BARX1: variants seen among roughly 807,000 people sequenced by gnomAD.
The protein encoded by BARX1 is BARX homeobox 1, also known as homeobox protein BarH-like 1.
BARX1 carries 10 observed loss-of-function variants against 19.6 expected under a neutral mutation model. That is an observed-to-expected ratio of 0.51 (90% confidence interval 0.31 to 0.86). BARX1 has a LOEUF of 0.86. Ranked by LOEUF, BARX1 falls within the 40% of genes least tolerant of loss-of-function variation. BARX1 has a pLI of 0.04. For missense variants in BARX1, 309 were observed against 360.4 expected, an observed-to-expected ratio of 0.86 and a Z score of 1.15; for synonymous variants, 177 against 170.0, an observed-to-expected ratio of 1.04 and a Z score of -0.32.
At position 93,955,311 on chromosome 9, in the gene BARX1, C is replaced by T. The variant is rs1177473077; in HGVS notation, c.-165G>A. 6.3e-6 allele frequency: 1 copy of T among 158,570 alleles called. No individual in the cohort carries two copies. The highest frequency in any genetic ancestry group is 3.1e-3 in the Middle Eastern group (1 of 318). 9.8% of individuals were successfully genotyped at this position (158,570 alleles called of 1,614,324 possible). Reference sequence around the variant, plus strand: ...CGGCCGGCCGGGCGGAGGCGCAGGGCGCGGGCGGGGCGCGCGGGGCTCGGC... The same window carrying T: ...CGGCCGGCCGGGCGGAGGCGCAGGGTGCGGGCGGGGCGCGCGGGGCTCGGC... On this transcript the variant is annotated 5_prime_UTR_variant, in exon 1 of 4. Coordinates refer to ENST00000253968, the MANE Select transcript of BARX1 (RefSeq NM_021570.4). The surrounding 1 kb of genome is among the most constrained non-coding windows in gnomAD (Gnocchi z 4.4).
Position 93,953,177 on chromosome 9 carries a change from C to T in BARX1, c.234G>A (p.Lys78=). The T allele has an allele frequency of 9.2e-6, 14 of 1,514,154 alleles. No homozygotes were observed. Among genetic ancestry groups the T allele is most frequent in the Non-Finnish European group, 1.2e-5 (14 of 1,141,436 alleles). The allele number at this position is 1,514,154 out of a possible 1,614,324, so 93.8% of individuals were successfully genotyped here. ...ACTTGAACACCGCCGCCTGCTCGGCCTTCAGCACGGCTGCGAAGAAAGAGA... is the reference window on the plus strand; with the variant it reads ...ACTTGAACACCGCCGCCTGCTCGGCTTTCAGCACGGCTGCGAAGAAAGAGA... The part of the protein sequence containing the change: ...RPFHSHLAVL[K]AEQAAVFKFP... Residue 78 remains lysine, a synonymous_variant, in exon 2 of 4, where the codon AAG becomes AAA. Coordinates refer to ENST00000253968, the MANE Select transcript of BARX1 (RefSeq NM_021570.4).
Position 93,955,328 on chromosome 9 carries a change from G to A in BARX1, c.-182C>T, listed in dbSNP as rs1829151806. On this transcript the variant is annotated 5_prime_UTR_variant, in exon 1 of 4. Transcript: ENST00000253968. The surrounding 1 kb of genome is among the most constrained non-coding windows in gnomAD (Gnocchi z 4.4). The stretch of plus-strand genomic sequence containing the variant: ...GCGCAGGGCGCGGGCGGGGCGCGCG[G>A]GGCTCGGCCGGTCGAACCCGGGACT... 1 of 148,664 alleles carries A rather than the reference G, an allele frequency of 6.7e-6. No homozygotes were observed. Among genetic ancestry groups the A allele is most frequent in the Non-Finnish European group, 1.5e-5 (1 of 68,422 alleles). 9.2% of individuals were successfully genotyped at this position (148,664 alleles called of 1,614,324 possible). A position where few individuals can be genotyped will look rare whatever the true frequency, so the allele number is the denominator to read the frequency against.
intron 1 of BARX1, 105 bp from the exon 2 acceptor site, chr9:93,953,292 C>T (rs934036667): frequency 1.5e-6 from 2 of 1,306,604 alleles, no homozygotes; most frequent in Non-Finnish European, 2.0e-6. Flanking sequence ...TGGCCAGTGC[C>T]TCCCAGCGCA....
In BARX1 at chr9:93,951,650, G is replaced by A. The variant is rs1217298351; in HGVS notation, c.*514C>T. On this transcript the variant is annotated 3_prime_UTR_variant, in exon 4 of 4. Coordinates refer to ENST00000253968, the MANE Select transcript of BARX1 (RefSeq NM_021570.4). Reference sequence around the variant, plus strand: ...GATTGTGTCATAAAATATTTTATTGGAAAAAAAGTCACCGTCTTCGCAAGA... The same window carrying A: ...GATTGTGTCATAAAATATTTTATTGAAAAAAAAGTCACCGTCTTCGCAAGA... 1 of 152,370 alleles carries A rather than the reference G, an allele frequency of 6.6e-6. No homozygotes were observed. The highest frequency in any genetic ancestry group is 2.1e-4 in the South Asian group (1 of 4,836). 9.4% of individuals were successfully genotyped at this position (152,370 alleles called of 1,614,324 possible).
At chr9:93,954,518 T>C (rs1177249813) in intron 1 of BARX1, among the ~76,000 whole-genome samples, 1 of 152,168 alleles carries the variant, frequency 6.6e-6, no homozygotes, top group African/African-American at 2.4e-5. Context: ...CCGACTTCCC[T>C]GGGTTGGGCA....
chr9:93,955,123 G>T lies in BARX1; in HGVS notation c.24C>A (p.Gly8=). 2 of 1,217,118 alleles carry T rather than the reference G, an allele frequency of 1.6e-6. No individual in the cohort carries two copies. The highest frequency in any genetic ancestry group is 2.0e-6 in the Non-Finnish European group (2 of 981,004). The allele number at this position is 1,217,118 out of a possible 1,614,324, so 75.4% of individuals were successfully genotyped here. MQRPGEP[G]AARFGPPEGC... ...CCTCGGGCGGGCCGAAGCGCGCGGC[G>T]CCCGGCTCCCCCGGCCGCTGCATCG... The change falls in exon 1 of 4, where the codon GGC becomes GGA. Residue 8 remains glycine (G), a synonymous_variant. Transcript: ENST00000253968. The surrounding 1 kb of genome is among the most constrained non-coding windows in gnomAD (Gnocchi z 4.4).
Position 93,952,786 on chromosome 9 carries a change from C to T in BARX1, c.543G>A (p.Leu181=). ...DRIDLAESLG[L]SQLQVKTWYQ... Reference sequence around the variant, plus strand: ...ACCACGTCTTCACCTGCAACTGGCTCAGGCCCAGGGACTCAGCAAGATCTA... The same window carrying T: ...ACCACGTCTTCACCTGCAACTGGCTTAGGCCCAGGGACTCAGCAAGATCTA... Residue 181 remains leucine, a synonymous_variant, in exon 3 of 4, where the codon CTG becomes CTA. Coordinates refer to ENST00000253968, the MANE Select transcript of BARX1 (RefSeq NM_021570.4). The T allele has an allele frequency of 6.2e-7, 1 of 1,614,198 alleles. No individual in the cohort carries two copies. Among genetic ancestry groups the T allele is most frequent in the Non-Finnish European group, 8.5e-7 (1 of 1,180,030 alleles).
chr9:93,951,970 C>T lies in BARX1; in HGVS notation c.*194G>A, dbSNP rs1260347731. The T allele has an allele frequency of 2.3e-5, 17 of 730,468 alleles. No homozygotes were observed. Among genetic ancestry groups the T allele is most frequent in the Middle Eastern group, 4.0e-4 (1 of 2,528 alleles). 45.2% of individuals were successfully genotyped at this position (730,468 alleles called of 1,614,324 possible). A position where few individuals can be genotyped will look rare whatever the true frequency, so the allele number is the denominator to read the frequency against. ...AGTCTCCCAGGTTAGAGCCCAGAAG[C>T]GCGCTGGGACCTGGGTCTGGCTTTT... On this transcript the variant is annotated 3_prime_UTR_variant, in exon 4 of 4. Coordinates refer to ENST00000253968, the MANE Select transcript of BARX1 (RefSeq NM_021570.4).
rs776661728 is a variant in BARX1, at chr9:93,952,892, C to G, written c.515+4G>C. 1 of 1,606,098 alleles carries G rather than the reference C, an allele frequency of 6.2e-7. No homozygotes were observed. The highest frequency in any genetic ancestry group is 1.7e-5 in the Admixed American group (1 of 58,288). The stretch of plus-strand genomic sequence containing the variant: ...CCGCTGGCCCCAGCCTTGTACCGCC[C>G]TACCTGTCCGGCGTGGAAAGGTACT... On this transcript the variant is annotated splice_donor_region_variant and intron_variant, in intron 2 of 3. Transcript: ENST00000253968.
chr9:93,953,338 C>A, intron 1 of BARX1, 151 bp from the exon 2 acceptor site: 1 of 846,184 alleles, frequency 1.2e-6, no homozygotes, highest in South Asian at 2.0e-5. Flanking sequence ...GCCGGTGGCG[C>A]AGATGGAGAC....
At position 93,953,191 on chromosome 9, in the gene BARX1, C is replaced by A; in HGVS notation, c.224-4G>T. ...GCCTGCTCGGCCTTCAGCACGGCTG[C>A]GAAGAAAGAGAATGAGGACCCGGGT... On this transcript the variant is annotated splice_polypyrimidine_tract_variant and splice_region_variant and intron_variant, in intron 1 of 3. Coordinates refer to ENST00000253968, the MANE Select transcript of BARX1 (RefSeq NM_021570.4). 6.7e-7 allele frequency: 1 copy of A among 1,498,762 alleles called. No homozygotes were observed. Among genetic ancestry groups the A allele is most frequent in the Non-Finnish European group, 8.8e-7 (1 of 1,135,258 alleles). 92.8% of individuals were successfully genotyped at this position (1,498,762 alleles called of 1,614,324 possible). A position where few individuals can be genotyped will look rare whatever the true frequency, so the allele number is the denominator to read the frequency against.
Position 93,954,971 on chromosome 9 carries a change from A to C in BARX1, c.176T>G (p.Phe59Cys). ...CGCCGCCAGCAGCGCCTGCACGCCGAACTTCAGCAGCTCGCCCGCCGCGGC... is the reference window on the plus strand; with the variant it reads ...CGCCGCCAGCAGCGCCTGCACGCCGCACTTCAGCAGCTCGCCCGCCGCGGC... ...AAAAAGELLK[F>C]GVQALLAARP... is the part of the protein sequence containing the mutation. The change falls in exon 1 of 4, where the codon TTC (phenylalanine) becomes TGC (cysteine). Residue 59 changes from phenylalanine (F) to cysteine (C), a missense_variant. Coordinates refer to ENST00000253968, the MANE Select transcript of BARX1 (RefSeq NM_021570.4). The C allele has an allele frequency of 7.1e-7, 1 of 1,399,090 alleles. No individual in the cohort carries two copies. Among genetic ancestry groups the C allele is most frequent in the Middle Eastern group, 2.6e-4 (1 of 3,862 alleles). 86.7% of individuals were successfully genotyped at this position (1,399,090 alleles called of 1,614,324 possible).
chr9:93,955,011 G>A lies in BARX1; in HGVS notation c.136C>T (p.Pro46Ser). 5 of 1,399,320 alleles carry A rather than the reference G, an allele frequency of 3.6e-6. No individual in the cohort carries two copies. Among genetic ancestry groups the A allele is most frequent in the Non-Finnish European group, 4.6e-6 (5 of 1,076,718 alleles). The allele number at this position is 1,399,320 out of a possible 1,614,324, so 86.7% of individuals were successfully genotyped here. Residue 46 changes from proline (P) to serine (S), a missense_variant, in exon 1 of 4, where the codon CCC (proline) becomes TCC (serine). This residue lies in a region of BARX1 where 204 missense variants were observed against 206.8 expected (regional missense o/e 0.99). Coordinates refer to ENST00000253968, the MANE Select transcript of BARX1 (RefSeq NM_021570.4). The surrounding 1 kb of genome is among the most constrained non-coding windows in gnomAD (Gnocchi z 4.4). The stretch of plus-strand genomic sequence containing the variant: ...CCCGCCGCGGCAGCGGCGGCTGCGG[G>A]CGCGGCGCCCTTGGGCCCGGGTGGC... ...TEPPGPKGAA[P>S]AAAAAAAGEL...
chr9:93,952,759 G>C lies in BARX1; in HGVS notation c.570C>G (p.Tyr190Ter). 1 of 1,614,166 alleles carries C rather than the reference G, an allele frequency of 6.2e-7. No homozygotes were observed. Among genetic ancestry groups the C allele is most frequent in the Non-Finnish European group, 8.5e-7 (1 of 1,180,022 alleles). ...GLSQLQVKTW[Y>*]QNRRMKWKKI... ...TCTTCCACTTCATCCTCCGATTCTG[G>C]TACCACGTCTTCACCTGCAACTGGC... is the stretch of plus-strand genomic sequence containing the variant. The change falls in exon 3 of 4, where the codon TAC (tyrosine) becomes TAG (stop). Residue 190 changes from tyrosine to a stop codon, truncating the protein, a stop_gained. Transcript: ENST00000253968. LOFTEE classifies it high-confidence loss of function.
rs767879222 is a variant in BARX1, at chr9:93,952,132, G to T, written c.*32C>A. ...CGAGTGAGGGGGCTGCGGGTGGCGCGGGCATCCCAGGCCCCGCACCGTATA... is the reference window on the plus strand; with the variant it reads ...CGAGTGAGGGGGCTGCGGGTGGCGCTGGCATCCCAGGCCCCGCACCGTATA... On this transcript the variant is annotated 3_prime_UTR_variant, in exon 4 of 4. Transcript: ENST00000253968. 1 of 1,591,446 alleles carries T rather than the reference G, an allele frequency of 6.3e-7. No homozygotes were observed. Among genetic ancestry groups the T allele is most frequent in the African/African-American group, 1.3e-5 (1 of 74,678 alleles).
In BARX1 at chr9:93,952,889, G is replaced by A; in HGVS notation, c.515+7C>T. On this transcript the variant is annotated splice_region_variant and intron_variant, in intron 2 of 3. Coordinates refer to ENST00000253968, the MANE Select transcript of BARX1 (RefSeq NM_021570.4). ...AGCCCGCTGGCCCCAGCCTTGTACC[G>A]CCCTACCTGTCCGGCGTGGAAAGGT... The A allele has an allele frequency of 6.2e-7, 1 of 1,606,984 alleles. No homozygotes were observed. The highest frequency in any genetic ancestry group is 8.5e-7 in the Non-Finnish European group (1 of 1,176,480).
In BARX1 at chr9:93,952,231, C is replaced by CA; in HGVS notation, c.697_698insT (p.Arg233LeufsTer59). 1 of 1,612,098 alleles carries CA rather than the reference C, an allele frequency of 6.2e-7. No individual in the cohort carries two copies. The highest frequency in any genetic ancestry group is 8.5e-7 in the Non-Finnish European group (1 of 1,179,930). ...CGCCGGTTTCTCTGCATCCTTGGCG[C>CA]GCTCCTGCTCAGTAAGCTGCTCGCT... is the stretch of plus-strand genomic sequence containing the variant. On this transcript the variant is annotated frameshift_variant, in exon 4 of 4. Coordinates refer to ENST00000253968, the MANE Select transcript of BARX1 (RefSeq NM_021570.4). LOFTEE classifies it high-confidence loss of function.
chr9:93,954,652 C>T (rs1174659998), intron 1 of BARX1, among the ~76,000 whole-genome samples: 1 of 152,240 alleles, frequency 6.6e-6, no homozygotes, highest in East Asian at 1.9e-4. Flanking sequence ...CACTCGGGGT[C>T]CCCGGGCTGG....
rs1472276096 is a variant in BARX1, at chr9:93,955,105, C to G, written c.42G>C (p.Pro14=). ...PGEPGAARFG[P]PEGCADHRPH... ...GCCGGTGGTCCGCGCAGCCCTCGGG[C>G]GGGCCGAAGCGCGCGGCGCCCGGCT... Residue 14 remains proline, a synonymous_variant, in exon 1 of 4, where the codon CCG becomes CCC. Coordinates refer to ENST00000253968, the MANE Select transcript of BARX1 (RefSeq NM_021570.4). This position sits in a 1 kb window ranked among gnomAD's most constrained non-coding sequence, Gnocchi z 4.4. 2 of 1,260,650 alleles carry G rather than the reference C, an allele frequency of 1.6e-6. No individual in the cohort carries two copies. Among genetic ancestry groups the G allele is most frequent in the East Asian group, 3.5e-5 (1 of 28,326 alleles). 78.1% of individuals were successfully genotyped at this position (1,260,650 alleles called of 1,614,324 possible). A position where few individuals can be genotyped will look rare whatever the true frequency, so the allele number is the denominator to read the frequency against.
Sources: gnomAD v4.1 joint callset for allele counts (sites outside exome capture counted in the v4.1 genomes callset) on GRCh38, gnomAD v4.1.1 for gene constraint, gnomAD v4.1.1 regional missense constraint, Gnocchi (gnomAD v3.1) non-coding constraint, MANE v1.5 for transcripts, NCBI Gene and HGNC (gene_info 2026-07-23, HGNC 2026-07-21) for gene names.